The following MECOM variants were observed in gnomAD, a reference collection of about 807,000 sequenced individuals.
MECOM encodes the protein histone-lysine N-methyltransferase MECOM.
A neutral mutation model predicts 116.3 loss-of-function variants in MECOM; 13 were observed. The observed-to-expected ratio is 0.11, with a 90% CI of 0.07 to 0.18. The LOEUF (loss-of-function observed/expected upper bound fraction) is 0.18. Ranked by LOEUF, MECOM falls within the 10% of genes least tolerant of loss-of-function variation. The pLI is 1.00. For missense variants in MECOM, 1,299 were observed against 1,509.0 expected (o/e 0.86, Z 2.31); for synonymous variants, 528 against 535.2 (o/e 0.99, Z 0.19).
chr3:169,441,654 T>C (rs747116408), intron 1 of MECOM, among the ~76,000 whole-genome samples: 1 of 151,990 alleles, frequency 6.6e-6, no homozygotes, highest in African/African-American at 2.4e-5. Context: ...CAAATATGCA[T>C]AAAATTTTTG....
At chr3:169,466,918 T>A (rs748833751) in intron 1 of MECOM, 2 of 152,224 alleles carry the variant, frequency 1.3e-5, no homozygotes, top group African/African-American at 4.8e-5. Flanking sequence ...AATATTAAAA[T>A]ACAAGTTGCC....
At chr3:169,167,492 A>G (rs2149361921) in intron 2 of MECOM, among the ~76,000 whole-genome samples, 1 of 152,290 alleles carries the variant, frequency 6.6e-6, no homozygotes, top group East Asian at 1.9e-4. Context: ...ACACCATGGT[A>G]TTTATTATCT....
At chr3:169,268,349 C>A (rs1387807280) in intron 2 of MECOM, among the ~76,000 whole-genome samples, 2 of 152,166 alleles carry the variant, frequency 1.3e-5, no homozygotes, top group Non-Finnish European at 2.9e-5. Context: ...ACAAGTCAAC[C>A]AGCTTTTTCT....
chr3:169,181,706 G>A (rs1745990184), intron 2 of MECOM, among the ~76,000 whole-genome samples: 1 of 152,148 alleles, frequency 6.6e-6, no homozygotes, highest in Non-Finnish European at 1.5e-5. Context: ...TGACCCAGAG[G>A]TCCTGGATAG....
chr3:169,234,124 T>C (rs1753740678), intron 2 of MECOM, among the ~76,000 whole-genome samples: 1 of 151,954 alleles, frequency 6.6e-6, no homozygotes, highest in South Asian at 2.1e-4. Context: ...CAAAGAGAAA[T>C]ATGAGACAGA....
intron 2 of MECOM, among the ~76,000 whole-genome samples, chr3:169,181,995 T>C (rs1017378103): frequency 1.3e-5 from 2 of 152,170 alleles, no homozygotes; most frequent in Non-Finnish European, 2.9e-5. Context: ...TAGAAAACTA[T>C]TTTTCTATAT....
chr3:169,511,284 G>A (rs1755921446), intron 1 of MECOM, among the ~76,000 whole-genome samples: 1 of 152,126 alleles, frequency 6.6e-6, no homozygotes. Context: ...TTTAGGTTAT[G>A]ATCTTAGTGA....
chr3:169,581,427 T>C (rs997786906), intron 1 of MECOM, among the ~76,000 whole-genome samples: 1 of 152,038 alleles, frequency 6.6e-6, no homozygotes, highest in Admixed American at 6.5e-5. Flanking sequence ...AGTCTTTATT[T>C]TCTTCTTTCT....
At chr3:169,114,129 G>C (rs1335798724) in intron 8 of MECOM, among the ~76,000 whole-genome samples, 2 of 152,142 alleles carry the variant, frequency 1.3e-5, no homozygotes, top group Non-Finnish European at 2.9e-5. Context: ...ACATCATTGA[G>C]TTGGAAATAC....
chr3:169,169,831 T>C (rs1357240371), intron 2 of MECOM, among the ~76,000 whole-genome samples: 1 of 139,414 alleles, frequency 7.2e-6, no homozygotes, highest in African/African-American at 2.9e-5. Context: ...AGTTCTACAG[T>C]TCTACTTTTT....
chr3:169,276,870 A>G (rs1759647741), intron 2 of MECOM, among the ~76,000 whole-genome samples: 1 of 152,256 alleles, frequency 6.6e-6, no homozygotes, highest in African/African-American at 2.4e-5. Context: ...TGAAGTTTCT[A>G]AAGTGCATAG....
At chr3:169,357,725 A>G (rs1400467555) in intron 2 of MECOM, among the ~76,000 whole-genome samples, 1 of 151,800 alleles carries the variant, frequency 6.6e-6, no homozygotes, top group Admixed American at 6.6e-5. Flanking sequence ...ATAGATAATT[A>G]ATTTAACCAA....
At chr3:169,485,967 T>C (rs1277873877) in intron 1 of MECOM, among the ~76,000 whole-genome samples, 3 of 96,768 alleles carry the variant, frequency 3.1e-5, no homozygotes, top group Non-Finnish European at 5.8e-5. Flanking sequence ...ATATATACTA[T>C]ATATACATAT....
chr3:169,601,338 G>C (rs964753722), intron 1 of MECOM, among the ~76,000 whole-genome samples: 1 of 152,180 alleles, frequency 6.6e-6, no homozygotes. Context: ...AGGTTCTGCC[G>C]AATATGAAAA....
chr3:169,199,782 T>G (rs150430582), intron 2 of MECOM, among the ~76,000 whole-genome samples: 4 of 152,182 alleles, frequency 2.6e-5, no homozygotes, highest in African/African-American at 9.6e-5. Flanking sequence ...ATTAGATAAG[T>G]TGAGACCATA....
intron 2 of MECOM, among the ~76,000 whole-genome samples, chr3:169,370,869 T>C (rs187972734): frequency 1.1e-4 from 16 of 152,104 alleles, no homozygotes; most frequent in Admixed American, 1.0e-3. Context: ...ATGACTGTTA[T>C]TGGCGAAGAT....
chr3:169,257,134 A>C (rs1171238047), intron 2 of MECOM, among the ~76,000 whole-genome samples: 1 of 152,218 alleles, frequency 6.6e-6, no homozygotes, highest in Non-Finnish European at 1.5e-5. Context: ...CCATGTTTAA[A>C]AGAAAAAAGA....
At chr3:169,234,336 T>A (rs1387006433) in intron 2 of MECOM, among the ~76,000 whole-genome samples, 1 of 152,014 alleles carries the variant, frequency 6.6e-6, no homozygotes, top group Non-Finnish European at 1.5e-5. Context: ...TTAGGTTCTA[T>A]CAAGATTCTT....
At chr3:169,100,101 C>CCTTT (rs1723059578) in intron 12 of MECOM, among the ~76,000 whole-genome samples, 2 of 50,632 alleles carry the variant, frequency 4.0e-5, no homozygotes, top group African/African-American at 1.5e-4. Flanking sequence ...TTCTTTCTTT[C>CCTTT]TTTTTTTTTT....
Sources: gnomAD v4.1 joint callset for allele counts (sites outside exome capture counted in the v4.1 genomes callset) on GRCh38, gnomAD v4.1.1 for gene constraint, MANE v1.5 for transcripts, NCBI Gene and HGNC (gene_info 2026-07-23, HGNC 2026-07-21) for gene names.